KCNT2: variants seen among roughly 807,000 people sequenced by gnomAD.
KCNT2 encodes potassium channel subfamily T member 2.
In KCNT2, 67 loss-of-function variants were observed where a neutral mutation model predicts 153.8. The ratio of observed to expected loss-of-function variants is 0.44; its 90% confidence interval spans 0.36 to 0.53. KCNT2 has a LOEUF of 0.53. Among genes scored for constraint, KCNT2 ranks in the 20% least tolerant of loss-of-function variants. The pLI is 0.00. For missense variants in KCNT2, 975 were observed against 1,354.8 expected (o/e 0.72, Z 4.40); for synonymous variants, 500 against 458.8 (o/e 1.09, Z -1.15).
intron 10 of KCNT2, 147 bp from the exon 11 acceptor site, chr1:196,426,135 C>T (rs934724143): frequency 1.6e-6 from 1 of 614,238 alleles, no homozygotes; most frequent in Admixed American, 3.0e-5. Flanking sequence ...AAAACCTGGA[C>T]ATATATTAAA....
Position 196,597,371 on chromosome 1 carries a change from C to CT in KCNT2, c.95+10843dup, listed in dbSNP as rs765766349. 1.3e-3 allele frequency among the ~76,000 whole-genome samples: 185 copies of CT among 145,288 alleles called. 3 individuals carry two copies. The highest frequency in any genetic ancestry group is 3.1e-3 in the South Asian group (14 of 4,562). On this transcript the variant is annotated intron_variant, in intron 1 of 27. Transcript: ENST00000294725. ...TATAATCAATCTGTAACCTCACGTA[C>CT]TTTTTTTTTTTTTCCTATGGGATAT... is the stretch of plus-strand genomic sequence containing the variant.
intron 8 of KCNT2, among the ~76,000 whole-genome samples, chr1:196,439,304 T>C (rs1045998038): frequency 6.6e-6 from 1 of 151,972 alleles, no homozygotes; most frequent in Non-Finnish European, 1.5e-5. Flanking sequence ...AAATTATGAA[T>C]ACTATAGAAC....
At chr1:196,506,115 G>A (rs1193482345) in intron 1 of KCNT2, among the ~76,000 whole-genome samples, 4 of 152,006 alleles carry the variant, frequency 2.6e-5, no homozygotes, top group South Asian at 2.1e-4. Context: ...CCACACATTC[G>A]TATGTGAATT....
intron 14 of KCNT2, among the ~76,000 whole-genome samples, chr1:196,350,791 T>A (rs1276222163): frequency 6.6e-6 from 1 of 152,198 alleles, no homozygotes; most frequent in Non-Finnish European, 1.5e-5. Context: ...GCCTATGTCC[T>A]GAATGGTAAT....
intron 1 of KCNT2, among the ~76,000 whole-genome samples, chr1:196,508,190 A>AAAAAAAAAAAAAAAAAAAAAAAAC (rs1681312120): frequency 1.4e-4 from 1 of 6,902 alleles, no homozygotes; most frequent in Non-Finnish European, 5.9e-4. Context: ...CCTAAGTAGC[A>AAAAAAAAAAAAAAAAAAAAAAAAC]AAAAAAAAAA....
chr1:196,499,557 T>G (rs1489407088), intron 1 of KCNT2, among the ~76,000 whole-genome samples: 6 of 152,218 alleles, frequency 3.9e-5, no homozygotes, highest in Non-Finnish European at 8.8e-5. Context: ...TCTGAACTAA[T>G]AGTATGGTAG....
At chr1:196,255,251 A>T (rs1349688628) in intron 26 of KCNT2, among the ~76,000 whole-genome samples, 1 of 151,790 alleles carries the variant, frequency 6.6e-6, no homozygotes, top group African/African-American at 2.4e-5. Flanking sequence ...CTATTATTTG[A>T]CAATTATAAC....
chr1:196,515,773 C>G (rs568984541), intron 1 of KCNT2, among the ~76,000 whole-genome samples: 1 of 152,154 alleles, frequency 6.6e-6, no homozygotes, highest in Admixed American at 6.5e-5. Context: ...CAACTCAACC[C>G]AAGGAGATTA....
chr1:196,277,141 A>C (rs2147854087), intron 25 of KCNT2, among the ~76,000 whole-genome samples: 1 of 152,206 alleles, frequency 6.6e-6, no homozygotes, highest in African/African-American at 2.4e-5. Flanking sequence ...CTCATTGTCC[A>C]TGTTTTGAAT....
At chr1:196,560,447 A>T (rs1199810509) in intron 1 of KCNT2, among the ~76,000 whole-genome samples, 1 of 151,964 alleles carries the variant, frequency 6.6e-6, no homozygotes. Flanking sequence ...AAAAATTAGA[A>T]TTGTGAAGTA....
intron 1 of KCNT2, among the ~76,000 whole-genome samples, chr1:196,601,368 T>C (rs926710196): frequency 1.3e-4 from 20 of 152,226 alleles, no homozygotes; most frequent in African/African-American, 4.8e-4. Context: ...CATATGTATT[T>C]TTAAATCTAA....
At chr1:196,498,021 T>A (rs529772017) in intron 1 of KCNT2, among the ~76,000 whole-genome samples, 1 of 152,308 alleles carries the variant, frequency 6.6e-6, no homozygotes, top group East Asian at 1.9e-4. Context: ...TTTGCAACTG[T>A]CATCAATTTT....
chr1:196,407,474 C>A, intron 12 of KCNT2, among the ~76,000 whole-genome samples: 1 of 151,396 alleles, frequency 6.6e-6, no homozygotes, highest in East Asian at 2.0e-4. Context: ...TTTTTGAAAA[C>A]AAGTCACTAA....
chr1:196,463,762 A>G (rs1174190175), intron 8 of KCNT2, among the ~76,000 whole-genome samples: 1 of 151,760 alleles, frequency 6.6e-6, no homozygotes, highest in East Asian at 1.9e-4. Flanking sequence ...CGCATAAGAA[A>G]ATGGTGAAAT....
chr1:196,432,903 G>A (rs972396703), intron 8 of KCNT2, among the ~76,000 whole-genome samples: 1 of 152,094 alleles, frequency 6.6e-6, no homozygotes, highest in African/African-American at 2.4e-5. Flanking sequence ...TGATGGGCCA[G>A]GAGCAGAAGG....
intron 1 of KCNT2, among the ~76,000 whole-genome samples, chr1:196,548,494 G>C (rs564060117): frequency 1.0e-3 from 154 of 152,122 alleles, no homozygotes; most frequent in African/African-American, 3.6e-3. Flanking sequence ...TCATTAAAAA[G>C]TCAGGAAACA....
At chr1:196,541,625 A>C (rs1412043424) in intron 1 of KCNT2, among the ~76,000 whole-genome samples, 3 of 152,154 alleles carry the variant, frequency 2.0e-5, no homozygotes, top group African/African-American at 7.2e-5. Flanking sequence ...GATATTTACT[A>C]TCTGGCATTT....
At chr1:196,274,607 A>C (rs1200131080) in intron 25 of KCNT2, among the ~76,000 whole-genome samples, 1 of 151,768 alleles carries the variant, frequency 6.6e-6, no homozygotes, top group East Asian at 1.9e-4. Flanking sequence ...TCCCATTGTA[A>C]TAGTAAAGTG....
chr1:196,228,437 G>T, intron 27 of KCNT2, 102 bp from the exon 28 acceptor site: 1 of 680,594 alleles, frequency 1.5e-6, no homozygotes, highest in Non-Finnish European at 2.5e-6. Context: ...TCAGTTTTCA[G>T]ATTATCTAAA....
Sources: allele counts gnomAD v4.1 joint callset (sites outside exome capture counted in the v4.1 genomes callset), GRCh38; gene constraint gnomAD v4.1.1; transcripts MANE v1.5; gene names NCBI Gene and HGNC (gene_info 2026-07-23, HGNC 2026-07-21).